Variants in ENOX1 observed in about 807,000 individuals in gnomAD.
ENOX1 encodes ecto-NOX disulfide-thiol exchanger 1, also known as candidate growth-related and time keeping constitutive hydroquinone (NADH) oxidase.
In ENOX1, 42 loss-of-function variants were observed where a neutral mutation model predicts 82.5. The ratio of observed to expected loss-of-function variants is 0.51; its 90% CI spans 0.40 to 0.66. The LOEUF (loss-of-function observed/expected upper bound fraction) is 0.66. Ranked by LOEUF, ENOX1 falls within the 30% of genes least tolerant of loss-of-function variation. The pLI is 0.00. For synonymous variants in ENOX1, 271 were observed against 282.2 expected (o/e 0.96, Z 0.40); for missense variants, 608 against 811.6 (o/e 0.75, Z 3.05).
At chr13:43,518,418 C>T (rs61959527) in intron 2 of ENOX1, among the ~76,000 whole-genome samples, 30,753 of 151,776 alleles carry the variant, frequency 0.2, 3,603 homozygotes, top group Middle Eastern at 0.28. Flanking sequence ...CATGATAATT[C>T]ACTGTCTCTG....
At chr13:43,264,822 T>C (rs1354696696) in intron 14 of ENOX1, among the ~76,000 whole-genome samples, 2 of 152,174 alleles carry the variant, frequency 1.3e-5, no homozygotes, top group Non-Finnish European at 2.9e-5. Context: ...TTTTTGACAA[T>C]TGGATATTCA....
At chr13:43,751,094 C>T (rs751448105) in intron 1 of ENOX1, among the ~76,000 whole-genome samples, 1 of 152,182 alleles carries the variant, frequency 6.6e-6, no homozygotes, top group Non-Finnish European at 1.5e-5. Flanking sequence ...ACCCCACATT[C>T]CTCGTAAGTC....
intron 2 of ENOX1, among the ~76,000 whole-genome samples, chr13:43,653,106 G>A (rs1302371125): frequency 6.6e-6 from 1 of 152,184 alleles, no homozygotes; most frequent in African/African-American, 2.4e-5. Flanking sequence ...GCACAGGCAG[G>A]TCTTCTTCCA....
At chr13:43,405,634 C>T (rs1252635928) in intron 5 of ENOX1, among the ~76,000 whole-genome samples, 1 of 152,152 alleles carries the variant, frequency 6.6e-6, no homozygotes, top group Non-Finnish European at 1.5e-5. Flanking sequence ...CCTTATGTTC[C>T]ATGTGGTCTT....
At chr13:43,564,460 T>C (rs2079829185) in intron 2 of ENOX1, among the ~76,000 whole-genome samples, 1 of 151,752 alleles carries the variant, frequency 6.6e-6, no homozygotes, top group African/African-American at 2.4e-5. Context: ...AGAAATGCAA[T>C]GAGGAATAGA....
intron 2 of ENOX1, among the ~76,000 whole-genome samples, chr13:43,590,045 A>G (rs2081174100): frequency 6.6e-6 from 1 of 152,230 alleles, no homozygotes; most frequent in African/African-American, 2.4e-5. Flanking sequence ...TGATGGCCTC[A>G]GGTATTAGCA....
intron 11 of ENOX1, among the ~76,000 whole-genome samples, chr13:43,302,820 C>T (rs2046654646): frequency 6.6e-6 from 1 of 152,200 alleles, no homozygotes; most frequent in Admixed American, 6.5e-5. Flanking sequence ...GCCTTGAAAT[C>T]TCTTTTACCA....
chr13:43,557,299 G>A (rs139141141), intron 2 of ENOX1, among the ~76,000 whole-genome samples: 205 of 152,254 alleles, frequency 1.3e-3, no homozygotes, highest in African/African-American at 4.7e-3. Flanking sequence ...AGGTGGTAGG[G>A]GTTTCCATAA....
At chr13:43,606,766 A>G (rs1461287243) in intron 2 of ENOX1, among the ~76,000 whole-genome samples, 2 of 152,172 alleles carry the variant, frequency 1.3e-5, no homozygotes, top group African/African-American at 2.4e-5. Context: ...CTGTAGTCCC[A>G]GAACTTTGGG....
chr13:43,421,595 C>T (rs115911466), intron 3 of ENOX1, among the ~76,000 whole-genome samples: 1 of 152,162 alleles, frequency 6.6e-6, no homozygotes, highest in Admixed American at 6.5e-5. Flanking sequence ...CACTCCTACT[C>T]TTTTTCCAGT....
At chr13:43,678,750 T>C (rs948355761) in intron 1 of ENOX1, among the ~76,000 whole-genome samples, 6 of 152,166 alleles carry the variant, frequency 3.9e-5, no homozygotes, top group African/African-American at 1.4e-4. Flanking sequence ...ACACACTCGA[T>C]ACACTGCCTA....
chr13:43,355,839 G>T, intron 8 of ENOX1, 80 bp downstream of exon 8: 1 of 1,356,616 alleles, frequency 7.4e-7, no homozygotes, highest in Non-Finnish European at 1.0e-6. Context: ...AGGGACAATG[G>T]TGGACGCAGG....
At chr13:43,266,349 A>T (rs1414626403) in intron 13 of ENOX1, among the ~76,000 whole-genome samples, 1 of 152,206 alleles carries the variant, frequency 6.6e-6, no homozygotes, top group East Asian at 1.9e-4. Flanking sequence ...AATGTGTTTG[A>T]TTCATAACAT....
chr13:43,456,917 A>G (rs2057258392), intron 3 of ENOX1, among the ~76,000 whole-genome samples: 1 of 152,100 alleles, frequency 6.6e-6, no homozygotes, highest in African/African-American at 2.4e-5. Flanking sequence ...CACCTCAGCT[A>G]TTCCTCCTCC....
At chr13:43,309,143 T>C (rs1593844826) in intron 11 of ENOX1, among the ~76,000 whole-genome samples, 1 of 151,024 alleles carries the variant, frequency 6.6e-6, no homozygotes, top group South Asian at 2.1e-4. Context: ...TGCCTCAGCC[T>C]CCCATCTAGC....
intron 2 of ENOX1, among the ~76,000 whole-genome samples, chr13:43,488,640 G>A (rs997137356): frequency 5.9e-5 from 9 of 152,152 alleles, no homozygotes; most frequent in Admixed American, 1.3e-4. Context: ...AGCCTGTACC[G>A]TCATGAACAG....
intron 2 of ENOX1, among the ~76,000 whole-genome samples, chr13:43,490,963 A>G (rs1481860085): frequency 1.3e-5 from 2 of 152,138 alleles, no homozygotes; most frequent in Non-Finnish European, 2.9e-5. Context: ...ATGCACTACC[A>G]TTGTGTCAAT....
chr13:43,484,312 A>T (rs866115994), intron 2 of ENOX1, among the ~76,000 whole-genome samples, 160 bp from the exon 3 acceptor site: 2 of 152,210 alleles, frequency 1.3e-5, no homozygotes, highest in Admixed American at 6.5e-5. Flanking sequence ...GCAGAGTGGG[A>T]CACTAACCTT....
intron 3 of ENOX1, among the ~76,000 whole-genome samples, chr13:43,451,580 T>C (rs1253806789): frequency 1.3e-5 from 2 of 152,214 alleles, no homozygotes; most frequent in Non-Finnish European, 1.5e-5. Flanking sequence ...TATTTTATCA[T>C]AGCCTTCACA....
Sources: gnomAD v4.1 joint callset for allele counts (sites outside exome capture counted in the v4.1 genomes callset) on GRCh38, gnomAD v4.1.1 for gene constraint, MANE v1.5 for transcripts, NCBI Gene and HGNC (gene_info 2026-07-23, HGNC 2026-07-21) for gene names.